MICAL3: variants seen among roughly 807,000 people sequenced by gnomAD.
MICAL3 encodes the protein microtubule associated monooxygenase, calponin and LIM domain containing 3, also known as [F-actin]-monooxygenase MICAL3.
In MICAL3, 62 loss-of-function variants were observed where a neutral mutation model predicts 207.4. The ratio of observed to expected loss-of-function variants is 0.30; its 90% confidence interval spans 0.24 to 0.37. The LOEUF (loss-of-function observed/expected upper bound fraction) is 0.37, where lower values mean the gene tolerates loss of function less well. MICAL3 is among the 10% of genes least tolerant of loss of function. MICAL3 has a pLI of 1.00. For synonymous variants in MICAL3, 1,077 were observed against 1,069.3 expected (o/e 1.01, Z -0.14); for missense variants, 2,368 against 2,635.6 (o/e 0.90, Z 2.22).
rs1191643057 is a variant in MICAL3 at position 17,988,353 on chromosome 22, GTCACACC to G, written c.-75+35921_-75+35927del. ...ACATCCTGTTCCAGTTCCTTGTCAT[GTCACACC>G]TGAATCATCCCCATCTGCCAGGGGT... On this transcript the variant is annotated intron_variant, in intron 1 of 31. Coordinates refer to ENST00000441493, the MANE Select transcript of MICAL3 (RefSeq NM_015241.3). Among the ~76,000 whole-genome samples, 17 of 152,170 alleles carry G rather than the reference GTCACACC, an allele frequency of 1.1e-4. No homozygotes were observed. The East Asian group carries it at 2.9e-3, about 26-fold the overall frequency.
intron 1 of MICAL3, among the ~76,000 whole-genome samples, chr22:17,908,250 C>A (rs9604801): frequency 6.6e-6 from 1 of 152,152 alleles, no homozygotes; most frequent in East Asian, 1.9e-4. Context: ...CACTGTTGCA[C>A]GAACCCTCAG....
At chr22:17,931,065 A>T (rs926338846) in intron 1 of MICAL3, among the ~76,000 whole-genome samples, 7 of 152,250 alleles carry the variant, frequency 4.6e-5, no homozygotes, top group African/African-American at 1.7e-4. Flanking sequence ...CAACCACACC[A>T]GTGCTTCAGG....
chr22:17,848,887 G>T (rs1025822706), intron 19 of MICAL3, among the ~76,000 whole-genome samples: 1 of 152,244 alleles, frequency 6.6e-6, no homozygotes, highest in Non-Finnish European at 1.5e-5. Context: ...GCTTGATGGG[G>T]CTCACATTTT....
chr22:17,999,165 A>C (rs541343774), intron 1 of MICAL3, among the ~76,000 whole-genome samples: 1 of 152,200 alleles, frequency 6.6e-6, no homozygotes, highest in South Asian at 2.1e-4. Flanking sequence ...CGACAACCAA[A>C]ATCCTCACCT....
In MICAL3 at chr22:17,902,825, AC is replaced by A; in HGVS notation, c.473-79del. On this transcript the variant is annotated intron_variant, in intron 3 of 31. Coordinates refer to ENST00000441493, the MANE Select transcript of MICAL3 (RefSeq NM_015241.3). The surrounding 1 kb of genome is among the most constrained non-coding windows in gnomAD (Gnocchi z 4.5). ...CATCCGTGTCGCAGCTCAGGCTCCC[AC>A]CCCGCCACCTACGCCCCCTTCATTC... 2.4e-6 allele frequency: 2 copies of A among 835,322 alleles called. No individual in the cohort carries two copies. The highest frequency in any genetic ancestry group is 2.0e-6 in the Non-Finnish European group (1 of 509,904). The allele number at this position is 835,322 out of a possible 1,614,324, so 51.7% of individuals were successfully genotyped here.
intron 1 of MICAL3, among the ~76,000 whole-genome samples, chr22:18,010,384 A>G (rs1923642970): frequency 6.6e-6 from 1 of 152,172 alleles, no homozygotes; most frequent in South Asian, 2.1e-4. Flanking sequence ...CTGGTTGCTG[A>G]GAGCTGTGCA....
chr22:17,881,206 T>C (rs1484784496), intron 16 of MICAL3: 7 of 1,612,252 alleles, frequency 4.3e-6, no homozygotes, highest in Non-Finnish European at 5.9e-6. Flanking sequence ...GAGGATCACC[T>C]GCTGGCCGCC....
chr22:17,863,709 G>A (rs545378708), intron 19 of MICAL3: 53 of 985,378 alleles, frequency 5.4e-5, no homozygotes, highest in Admixed American at 3.1e-4. Flanking sequence ...GCCTCTGGGC[G>A]CATCTTCCCT....
intron 16 of MICAL3, among the ~76,000 whole-genome samples, chr22:17,877,987 A>G (rs1807541): frequency 0.068 from 10,275 of 152,042 alleles, 530 homozygotes; most frequent in African/African-American, 0.15. Flanking sequence ...CCAGTGGCGG[A>G]GACTACAGGC....
chr22:17,860,915 A>G (rs985412389), intron 19 of MICAL3: 14 of 985,260 alleles, frequency 1.4e-5, no homozygotes, highest in Non-Finnish European at 1.7e-5. Flanking sequence ...CAGCTTCACA[A>G]TTATTATAAT....
intron 16 of MICAL3, among the ~76,000 whole-genome samples, 184 bp from the exon 17 acceptor site, chr22:17,872,207 A>C (rs1049163619): frequency 1.3e-5 from 2 of 152,238 alleles, no homozygotes; most frequent in Non-Finnish European, 2.9e-5. Flanking sequence ...GCACCGCCAC[A>C]GTCACTGCCT....
chr22:18,016,937 CT>C (rs1924095525), intron 1 of MICAL3, among the ~76,000 whole-genome samples: 1 of 136,290 alleles, frequency 7.3e-6, no homozygotes, highest in Admixed American at 7.8e-5. Context: ...CAGACTCTGT[CT>C]CAAAAAAAAA....
intron 1 of MICAL3, among the ~76,000 whole-genome samples, chr22:17,974,081 A>C (rs9605458): frequency 0.05 from 7,613 of 152,228 alleles, 357 homozygotes; most frequent in African/African-American, 0.12. Context: ...GAGCTGCCAA[A>C]ATTCCAGGCT....
Position 17,855,120 on chromosome 22 carries a change from A to G in MICAL3, c.2605+9779T>C, listed in dbSNP as rs543844407. ...CCTGAAAACCTCTCTATGCCGAACC[A>G]TGTTGCAGCTGGCAGGCACAACCAG... On this transcript the variant is annotated intron_variant, in intron 19 of 31. Coordinates refer to ENST00000441493, the MANE Select transcript of MICAL3 (RefSeq NM_015241.3). Among the ~76,000 whole-genome samples the G allele has an allele frequency of 8.5e-5, 13 of 152,284 alleles. No homozygotes were observed. In the South Asian group the frequency reaches 1.9e-3, roughly 22 times the overall value.
chr22:17,984,012 C>T (rs1463200832), intron 1 of MICAL3, among the ~76,000 whole-genome samples: 2 of 152,160 alleles, frequency 1.3e-5, no homozygotes, highest in Admixed American at 6.5e-5. Context: ...AATAGGAACT[C>T]GTGTACTATT....
chr22:17,795,254 A>G (rs2061863143), intron 29 of MICAL3, among the ~76,000 whole-genome samples: 1 of 152,256 alleles, frequency 6.6e-6, no homozygotes, highest in Non-Finnish European at 1.5e-5. Context: ...ACTCTGCCTT[A>G]CAGCCGACCT....
chr22:17,899,614 AAAGGTTACACACAGGCCTAC>A, intron 6 of MICAL3, 66 bp from the exon 7 acceptor site: 1 of 1,049,444 alleles, frequency 9.5e-7, no homozygotes, highest in African/African-American at 1.6e-5. Context: ...GGGCAGGCTG[AAAGGTTACACACAGGCCTAC>A]AGAGACAAGG....
chr22:17,895,006 C>T (rs1024888433), intron 10 of MICAL3, among the ~76,000 whole-genome samples: 4 of 152,078 alleles, frequency 2.6e-5, no homozygotes, highest in Admixed American at 1.3e-4. Flanking sequence ...AGTGCTCTTC[C>T]GTAAAGTAAG....
chr22:17,949,660 G>T (rs976949510), intron 1 of MICAL3, among the ~76,000 whole-genome samples: 1 of 152,172 alleles, frequency 6.6e-6, no homozygotes, highest in South Asian at 2.1e-4. Context: ...AATAAATGGG[G>T]ACTGTCAGTC....
Sources: allele counts gnomAD v4.1 joint callset (sites outside exome capture counted in the v4.1 genomes callset), GRCh38; gene constraint gnomAD v4.1.1; non-coding constraint Gnocchi (gnomAD v3.1); transcripts MANE v1.5; gene names NCBI Gene and HGNC (gene_info 2026-07-23, HGNC 2026-07-21).